SPOCK3: variants seen among roughly 807,000 people sequenced by gnomAD.
SPOCK3 encodes the protein testican-3.
Under a neutral mutation model 56.6 loss-of-function variants are expected in SPOCK3, and 30 were observed. The ratio of observed to expected loss-of-function variants is 0.53; its 90% CI spans 0.40 to 0.72. The LOEUF (loss-of-function observed/expected upper bound fraction) is 0.72. SPOCK3 is among the 30% of genes least tolerant of loss of function. The pLI is 0.00. For missense variants in SPOCK3, 527 were observed against 530.0 expected, an observed-to-expected ratio of 0.99 and a Z score of 0.06; for synonymous variants, 196 against 183.3, an observed-to-expected ratio of 1.07 and a Z score of -0.56.
At chr4:167,014,658 T>C (rs911009672) in intron 3 of SPOCK3, among the ~76,000 whole-genome samples, 4 of 151,736 alleles carry the variant, frequency 2.6e-5, no homozygotes, top group Admixed American at 1.3e-4. Context: ...CTGTTTTTAA[T>C]TTTTTTTAAA....
chr4:167,064,865 AG>A (rs1422007528), intron 2 of SPOCK3, among the ~76,000 whole-genome samples: 9 of 151,760 alleles, frequency 5.9e-5, no homozygotes, highest in Admixed American at 4.6e-4. Context: ...GGAATAAAGG[AG>A]GTGCTAAATC....
At chr4:166,991,023 A>G (rs528666195) in intron 4 of SPOCK3, among the ~76,000 whole-genome samples, 62 of 152,160 alleles carry the variant, frequency 4.1e-4, no homozygotes, top group Non-Finnish European at 7.4e-4. Flanking sequence ...GAAAGTAAAT[A>G]AATTATGCAC....
At chr4:167,010,477 G>A (rs1340546107) in intron 3 of SPOCK3, among the ~76,000 whole-genome samples, 1 of 133,794 alleles carries the variant, frequency 7.5e-6, no homozygotes, top group African/African-American at 2.8e-5. Context: ...CCAAGGTCAC[G>A]CCACTGCACT....
chr4:167,076,021 C>T (rs1369793681), intron 2 of SPOCK3, among the ~76,000 whole-genome samples: 1 of 151,860 alleles, frequency 6.6e-6, no homozygotes, highest in Non-Finnish European at 1.5e-5. Context: ...ATTTTAATGT[C>T]ATATTACTAA....
At chr4:167,166,714 C>A (rs17600220) in intron 2 of SPOCK3, among the ~76,000 whole-genome samples, 110 of 152,054 alleles carry the variant, frequency 7.2e-4, no homozygotes, top group Admixed American at 1.8e-3. Context: ...CACTCCTTAG[C>A]GGGAGAATAG....
intron 2 of SPOCK3, among the ~76,000 whole-genome samples, chr4:167,220,378 CTTTT>C (rs61002914): frequency 1.5e-5 from 2 of 130,056 alleles, no homozygotes; most frequent in Non-Finnish European, 1.6e-5. Context: ...ACTGTAAGAA[CTTTT>C]TTTTTTTTTT....
intron 2 of SPOCK3, among the ~76,000 whole-genome samples, chr4:167,069,531 G>A (rs946207348): frequency 3.3e-5 from 5 of 151,794 alleles, no homozygotes; most frequent in Admixed American, 6.6e-5. Context: ...CGTAGCGGGC[G>A]GGTTTGTTGC....
At chr4:167,189,360 A>T (rs1465439786) in intron 2 of SPOCK3, among the ~76,000 whole-genome samples, 1 of 145,918 alleles carries the variant, frequency 6.9e-6, no homozygotes, top group East Asian at 2.1e-4. Flanking sequence ...TACAAATGCA[A>T]TTAATAATAT....
At chr4:167,010,515 G>A (rs1749927321) in intron 3 of SPOCK3, among the ~76,000 whole-genome samples, 1 of 69,306 alleles carries the variant, frequency 1.4e-5, no homozygotes, top group African/African-American at 6.1e-5. Flanking sequence ...GTGAGACTCT[G>A]TCTCAAAAAA....
At chr4:166,832,327 A>C (rs1746166915) in intron 6 of SPOCK3, among the ~76,000 whole-genome samples, 1 of 152,020 alleles carries the variant, frequency 6.6e-6, no homozygotes, top group African/African-American at 2.4e-5. Context: ...AATGCCCAAG[A>C]TCAGAGAAAT....
At chr4:166,981,409 C>T (rs1223765827) in intron 4 of SPOCK3, among the ~76,000 whole-genome samples, 1 of 150,898 alleles carries the variant, frequency 6.6e-6, no homozygotes, top group Non-Finnish European at 1.5e-5. Context: ...GTGTCCAGCT[C>T]TCAGAGGGTA....
At chr4:167,174,116 C>A (rs1456869485) in intron 2 of SPOCK3, among the ~76,000 whole-genome samples, 1 of 151,920 alleles carries the variant, frequency 6.6e-6, no homozygotes, top group East Asian at 1.9e-4. Flanking sequence ...CTTATTTATG[C>A]AAGAACACAT....
intron 4 of SPOCK3, among the ~76,000 whole-genome samples, chr4:166,976,042 T>C (rs1423926735): frequency 5.9e-5 from 9 of 151,942 alleles, no homozygotes; most frequent in African/African-American, 4.8e-5. Context: ...ATGGGATGCA[T>C]AGAAATCTTG....
chr4:166,999,658 G>A (rs1192589127), intron 4 of SPOCK3, among the ~76,000 whole-genome samples: 1 of 152,076 alleles, frequency 6.6e-6, no homozygotes, highest in Non-Finnish European at 1.5e-5. Context: ...TGTTTCAGTC[G>A]GTTAAACAAT....
chr4:166,749,446 T>A (rs1053404117), intron 8 of SPOCK3, among the ~76,000 whole-genome samples: 5 of 151,728 alleles, frequency 3.3e-5, no homozygotes, highest in Admixed American at 3.3e-4. Flanking sequence ...ATGAGAACAC[T>A]TGGACACAGG....
intron 4 of SPOCK3, among the ~76,000 whole-genome samples, chr4:166,949,434 A>G (rs908423899): frequency 6.6e-6 from 1 of 152,038 alleles, no homozygotes; most frequent in African/African-American, 2.4e-5. Flanking sequence ...TAGAGTTTCC[A>G]GTTTTTCTGC....
intron 6 of SPOCK3, among the ~76,000 whole-genome samples, chr4:166,847,946 C>T (rs1175395775): frequency 6.6e-6 from 1 of 151,948 alleles, no homozygotes; most frequent in Non-Finnish European, 1.5e-5. Context: ...ATTCTGTGAA[C>T]ATTTCATGAA....
At chr4:166,947,365 A>C (rs534039513) in intron 4 of SPOCK3, among the ~76,000 whole-genome samples, 13 of 152,288 alleles carry the variant, frequency 8.5e-5, no homozygotes, top group African/African-American at 3.1e-4. Flanking sequence ...ATCATTTTCT[A>C]AAAATTCCAT....
chr4:166,984,146 A>C (rs1746884465), intron 4 of SPOCK3, among the ~76,000 whole-genome samples: 1 of 152,098 alleles, frequency 6.6e-6, no homozygotes, highest in Non-Finnish European at 1.5e-5. Context: ...AGAGAAGGGT[A>C]CTTCTTATAA....
Sources: gnomAD v4.1 joint callset for allele counts (sites outside exome capture counted in the v4.1 genomes callset) on GRCh38, gnomAD v4.1.1 for gene constraint, MANE v1.5 for transcripts, NCBI Gene and HGNC (gene_info 2026-07-23, HGNC 2026-07-21) for gene names.